The following TRIM33 variants were observed in gnomAD, a reference collection of about 807,000 sequenced individuals.
TRIM33 encodes tripartite motif containing 33.
Under a neutral mutation model 125.4 loss-of-function variants are expected in TRIM33, and 20 were observed. The ratio of observed to expected loss-of-function variants is 0.16; its 90% CI spans 0.11 to 0.23. The LOEUF (loss-of-function observed/expected upper bound fraction) is 0.23, where lower values mean the gene tolerates loss of function less well. Among genes scored for constraint, TRIM33 ranks in the 10% least tolerant of loss-of-function variants. TRIM33 has a pLI of 1.00. For missense variants in TRIM33, 920 were observed against 1,411.4 expected (o/e 0.65, Z 5.58); for synonymous variants, 564 against 513.9 (o/e 1.10, Z -1.32).
intron 4 of TRIM33, among the ~76,000 whole-genome samples, chr1:114,449,373 AG>A (rs1277651836): frequency 6.6e-6 from 1 of 152,248 alleles, no homozygotes; most frequent in Admixed American, 6.5e-5. Context: ...TGGCAGAATC[AG>A]GCACATGTAG....
intron 4 of TRIM33, among the ~76,000 whole-genome samples, chr1:114,438,391 A>C (rs1000376420): frequency 2.0e-5 from 3 of 152,110 alleles, no homozygotes; most frequent in Non-Finnish European, 2.9e-5. Context: ...CACTGAATCG[A>C]TCACCCATTT....
At position 114,421,628 on chromosome 1, in the gene TRIM33, G is replaced by A. The variant is rs1653292974; in HGVS notation, c.1869C>T (p.Asn623=). 2 of 1,614,118 alleles carry A rather than the reference G, an allele frequency of 1.2e-6. No individual in the cohort carries two copies. Among genetic ancestry groups the A allele is most frequent in the East Asian group, 2.2e-5 (1 of 44,880 alleles). Residue 623 remains asparagine (N), a synonymous_variant, in exon 11 of 20, where the codon AAC becomes AAT. Transcript: ENST00000358465. ...CGGGAAAGGGTCCAGCATGCCCTGG[G>A]TTTGAGTGCTAATAAGAAAGAAGAC... ...MQPHLQRQHS[N]PGHAGPFPVV... is the part of the protein sequence containing the mutation.
chr1:114,392,937 T>C lies in TRIM33; in HGVS notation c.*4711A>G, dbSNP rs1270829786. 2 of 197,542 alleles carry C rather than the reference T, an allele frequency of 1.0e-5. No individual in the cohort carries two copies. Among genetic ancestry groups the C allele is most frequent in the African/African-American group, 2.3e-5 (1 of 43,374 alleles). 12.2% of individuals were successfully genotyped at this position (197,542 alleles called of 1,614,324 possible). On this transcript the variant is annotated 3_prime_UTR_variant, in exon 20 of 20. Coordinates refer to ENST00000358465, the MANE Select transcript of TRIM33 (RefSeq NM_015906.4). ...AGGCAGCTAATGTATTAAATAACCA[T>C]GAAAAGAAAAAACTTGCTTTTATTA...
chr1:114,450,768 A>C (rs1272667627), intron 4 of TRIM33, among the ~76,000 whole-genome samples: 1 of 152,174 alleles, frequency 6.6e-6, no homozygotes, highest in African/African-American at 2.4e-5. Context: ...TCCATAGCAT[A>C]CTATCATTTT....
intron 13 of TRIM33, among the ~76,000 whole-genome samples, chr1:114,407,835 G>C (rs758332372): frequency 6.6e-6 from 1 of 152,116 alleles, no homozygotes; most frequent in Non-Finnish European, 1.5e-5. Context: ...GAAATAAACA[G>C]AAAGAATTTA....
chr1:114,430,494 G>A (rs1289064597), intron 6 of TRIM33, among the ~76,000 whole-genome samples: 3 of 152,014 alleles, frequency 2.0e-5, no homozygotes, highest in Admixed American at 2.0e-4. Flanking sequence ...TGTCTGCCTT[G>A]GGCTCCCAAA....
chr1:114,461,225 T>A (rs1160340933), intron 4 of TRIM33, among the ~76,000 whole-genome samples: 2 of 144,604 alleles, frequency 1.4e-5, no homozygotes, highest in Non-Finnish European at 3.0e-5. Context: ...AATATATATA[T>A]ATATATATAT....
chr1:114,401,916 A>AT (rs951702171), intron 16 of TRIM33, among the ~76,000 whole-genome samples: 1 of 152,132 alleles, frequency 6.6e-6, no homozygotes. Context: ...CTCCAAAAAT[A>AT]TTTTTTTACC....
rs1457565985 is a variant in TRIM33 at position 114,510,884 on chromosome 1, C to G, written c.193G>C (p.Gly65Arg). Residue 65 changes from glycine to arginine, a missense_variant, in exon 1 of 20, where the codon GGG becomes CGG. Gly to Arg is a moderately radical substitution (Grantham distance 125, BLOSUM62 -2). Transcript: ENST00000358465. ...AEGGAAGPDDGGVAAASSGSA... is the reference protein window; with the variant it reads ...AEGGAAGPDDRGVAAASSGSA... ...CCCGAGGAGGCCGCGGCCACCCCCC[C>G]GTCGTCGGGCCCGGCCGCGCCGCCC... The G allele has an allele frequency of 9.0e-6, 13 of 1,448,022 alleles. No individual in the cohort carries two copies. Among genetic ancestry groups the G allele is most frequent in the East Asian group, 3.0e-5 (1 of 33,624 alleles). The allele number at this position is 1,448,022 out of a possible 1,614,324, so 89.7% of individuals were successfully genotyped here. A position where few individuals can be genotyped will look rare whatever the true frequency, so the allele number is the denominator to read the frequency against.
chr1:114,426,102 T>C (rs759924256), intron 8 of TRIM33, among the ~76,000 whole-genome samples: 2 of 152,204 alleles, frequency 1.3e-5, no homozygotes, highest in Non-Finnish European at 2.9e-5. Context: ...TCCATCTGCC[T>C]TTGAATTGCC....
At chr1:114,422,552 C>T (rs970313345) in intron 10 of TRIM33, among the ~76,000 whole-genome samples, 1 of 151,950 alleles carries the variant, frequency 6.6e-6, no homozygotes, top group African/African-American at 2.4e-5. Flanking sequence ...TCTCCTTTTC[C>T]ACCACTTTCG....
At chr1:114,476,837 T>C (rs1651002378) in intron 1 of TRIM33, among the ~76,000 whole-genome samples, 1 of 152,094 alleles carries the variant, frequency 6.6e-6, no homozygotes, top group Non-Finnish European at 1.5e-5. Context: ...TAGAAGACGT[T>C]GCCATTTTAA....
chr1:114,426,480 A>T (rs1647589073), intron 8 of TRIM33, among the ~76,000 whole-genome samples: 1 of 150,550 alleles, frequency 6.6e-6, no homozygotes, highest in Admixed American at 6.6e-5. Flanking sequence ...TTTGAATATA[A>T]TTTTTTTTTA....
intron 1 of TRIM33, among the ~76,000 whole-genome samples, chr1:114,497,928 G>C (rs1219622089): frequency 6.6e-6 from 1 of 151,266 alleles, no homozygotes; most frequent in Non-Finnish European, 1.5e-5. Context: ...AGATAAACAA[G>C]AGTAGGCAGA....
chr1:114,420,706 G>A (rs1653230844), intron 11 of TRIM33, among the ~76,000 whole-genome samples: 1 of 152,158 alleles, frequency 6.6e-6, no homozygotes, highest in African/African-American at 2.4e-5. Context: ...GTAATGCTCT[G>A]ATCTATGTTA....
intron 1 of TRIM33, among the ~76,000 whole-genome samples, chr1:114,485,243 G>C (rs1651604139): frequency 6.6e-6 from 1 of 151,602 alleles, no homozygotes; most frequent in Non-Finnish European, 1.5e-5. Flanking sequence ...CCACTGCTGG[G>C]ATCTTAAATA....
At chr1:114,473,827 T>C (rs1174627488) in intron 1 of TRIM33, among the ~76,000 whole-genome samples, 1 of 152,048 alleles carries the variant, frequency 6.6e-6, no homozygotes, top group Admixed American at 6.6e-5. Flanking sequence ...ACAATAATGA[T>C]AGTAAATGAG....
chr1:114,458,391 C>T (rs956634479), intron 4 of TRIM33, among the ~76,000 whole-genome samples: 3 of 152,144 alleles, frequency 2.0e-5, no homozygotes, highest in Non-Finnish European at 4.4e-5. Context: ...ATTTTTCAGA[C>T]TCTGCATTCT....
Position 114,397,627 on chromosome 1 carries a change from T to C in TRIM33, c.*21A>G, listed in dbSNP as rs781349530. On this transcript the variant is annotated 3_prime_UTR_variant, in exon 20 of 20. Transcript: ENST00000358465. ...TTTTCGTTTTTTTTTTTTTAAACAATTGATTTAAATCCATGTCATTTTACT... is the reference window on the plus strand; with the variant it reads ...TTTTCGTTTTTTTTTTTTTAAACAACTGATTTAAATCCATGTCATTTTACT... 3.1e-6 allele frequency: 2 copies of C among 636,588 alleles called. No homozygotes were observed. The highest frequency in any genetic ancestry group is 2.5e-6 in the Non-Finnish European group (1 of 392,252). 39.4% of individuals were successfully genotyped at this position (636,588 alleles called of 1,614,324 possible).
Sources: gnomAD v4.1 joint callset for allele counts (sites outside exome capture counted in the v4.1 genomes callset) on GRCh38, gnomAD v4.1.1 for gene constraint, MANE v1.5 for transcripts, NCBI Gene and HGNC (gene_info 2026-07-23, HGNC 2026-07-21) for gene names.